XPR1: variants seen among roughly 807,000 people sequenced by gnomAD.
XPR1 encodes xenotropic and polytropic retrovirus receptor 1, also known as solute carrier family 53 member 1.
XPR1 carries 28 observed loss-of-function variants against 87.5 expected under a neutral mutation model. The observed-to-expected ratio is 0.32, with a 90% CI of 0.24 to 0.44. The LOEUF is 0.44. Among genes scored for constraint, XPR1 ranks in the 20% least tolerant of loss-of-function variants. The probability of loss-of-function intolerance (pLI) is 1.00; values close to 1 mark genes in which losing one functional copy is unlikely to be tolerated. For missense variants in XPR1, 559 were observed against 862.3 expected, an observed-to-expected ratio of 0.65 and a Z score of 4.41; for synonymous variants, 300 against 306.1, an observed-to-expected ratio of 0.98 and a Z score of 0.21.
chr1:180,882,586 C>T (rs1333320466), intron 14 of XPR1, among the ~76,000 whole-genome samples: 2 of 152,114 alleles, frequency 1.3e-5, no homozygotes, highest in Admixed American at 6.5e-5. Flanking sequence ...AAACTCCTAG[C>T]CTGAAGAAGT....
intron 2 of XPR1, among the ~76,000 whole-genome samples, chr1:180,697,866 A>G (rs757228462): frequency 3.9e-5 from 6 of 152,198 alleles, no homozygotes; most frequent in Non-Finnish European, 5.9e-5. Flanking sequence ...GTGGCCTAAC[A>G]TATGGTCTGT....
At chr1:180,686,092 T>G (rs1045000026) in intron 2 of XPR1, among the ~76,000 whole-genome samples, 28 of 152,234 alleles carry the variant, frequency 1.8e-4, no homozygotes, top group Admixed American at 6.5e-4. Flanking sequence ...GTGTCAATTT[T>G]AGATCTTTCC....
intron 2 of XPR1, among the ~76,000 whole-genome samples, chr1:180,724,678 T>A (rs6664966): frequency 6.6e-6 from 1 of 151,964 alleles, no homozygotes; most frequent in Non-Finnish European, 1.5e-5. Flanking sequence ...TTGCCACTCA[T>A]TGAAGCACAA....
intron 11 of XPR1, among the ~76,000 whole-genome samples, chr1:180,839,043 T>C (rs1292499724): frequency 6.6e-6 from 1 of 152,190 alleles, no homozygotes; most frequent in Non-Finnish European, 1.5e-5. Context: ...TTTTTCAGTT[T>C]TTATATAAGT....
At chr1:180,799,834 G>A (rs1481140153) in intron 3 of XPR1, among the ~76,000 whole-genome samples, 1 of 152,148 alleles carries the variant, frequency 6.6e-6, no homozygotes, top group Admixed American at 6.6e-5. Context: ...ATTTTCCTCA[G>A]TGAAAATACC....
chr1:180,806,848 G>A (rs1650009010), intron 6 of XPR1, among the ~76,000 whole-genome samples: 1 of 151,782 alleles, frequency 6.6e-6, no homozygotes, highest in African/African-American at 2.4e-5. Context: ...TGATCTGGTG[G>A]GTTCAGATAT....
intron 9 of XPR1, among the ~76,000 whole-genome samples, chr1:180,829,168 G>A (rs1486767942): frequency 6.6e-6 from 1 of 152,062 alleles, no homozygotes; most frequent in Non-Finnish European, 1.5e-5. Flanking sequence ...TGCACTCCAT[G>A]AAAAGTAGAA....
intron 7 of XPR1, among the ~76,000 whole-genome samples, chr1:180,813,091 T>A (rs1273675025): frequency 6.9e-6 from 1 of 143,924 alleles, no homozygotes; most frequent in African/African-American, 2.6e-5. Flanking sequence ...TCAAAATTCA[T>A]TCATGGCTAC....
At position 180,632,196 on chromosome 1, in the gene XPR1, G is replaced by T. The variant is rs1038861973; in HGVS notation, c.-6G>T. On this transcript the variant is annotated 5_prime_UTR_variant, in exon 1 of 15. Coordinates refer to ENST00000367590, the MANE Select transcript of XPR1 (RefSeq NM_004736.4). The stretch of plus-strand genomic sequence containing the variant: ...ACCCGAGTGGGAGTGAGGGGGAAAC[G>T]GCAGGATGAAGTTCGCCGAGCACCT... 1.9e-6 allele frequency: 3 copies of T among 1,606,206 alleles called. No individual in the cohort carries two copies. Among genetic ancestry groups the T allele is most frequent in the East Asian group, 2.3e-5 (1 of 44,358 alleles).
chr1:180,773,276 T>C (rs1413393231), intron 2 of XPR1, among the ~76,000 whole-genome samples: 2 of 152,040 alleles, frequency 1.3e-5, no homozygotes, highest in Non-Finnish European at 2.9e-5. Flanking sequence ...AGAACAAACA[T>C]CATGTATTAA....
intron 1 of XPR1, among the ~76,000 whole-genome samples, chr1:180,674,108 C>T (rs1656285530): frequency 6.6e-6 from 1 of 152,164 alleles, no homozygotes; most frequent in South Asian, 2.1e-4. Context: ...ATGAATCAAA[C>T]TTAATATTGT....
At chr1:180,752,055 A>C (rs1647556081) in intron 2 of XPR1, among the ~76,000 whole-genome samples, 1 of 152,206 alleles carries the variant, frequency 6.6e-6, no homozygotes, top group Admixed American at 6.5e-5. Flanking sequence ...TAGTGGAAAC[A>C]CAAGAGTGCT....
At chr1:180,850,248 G>A (rs926501163) in intron 11 of XPR1, among the ~76,000 whole-genome samples, 23 of 152,192 alleles carry the variant, frequency 1.5e-4, no homozygotes, top group African/African-American at 5.3e-4. Context: ...AATTGTTTCA[G>A]ATGGATTTTT....
In XPR1 at chr1:180,888,136, G is replaced by A. The variant is rs1036112209; in HGVS notation, c.*4070G>A. 6.6e-6 allele frequency: 1 copy of A among 152,162 alleles called. No individual in the cohort carries two copies. The highest frequency in any genetic ancestry group is 2.4e-5 in the African/African-American group (1 of 41,434). 9.4% of individuals were successfully genotyped at this position (152,162 alleles called of 1,614,324 possible). A position where few individuals can be genotyped will look rare whatever the true frequency, so the allele number is the denominator to read the frequency against. On this transcript the variant is annotated 3_prime_UTR_variant, in exon 15 of 15. Transcript: ENST00000367590. ...TAGTGGTTATTAAATTGCTGGGAAA[G>A]ACCTGCCTTTATTTTCCTATCATCT...
intron 11 of XPR1, among the ~76,000 whole-genome samples, chr1:180,844,161 A>G (rs1651605864): frequency 6.6e-6 from 1 of 152,150 alleles, no homozygotes; most frequent in Admixed American, 6.6e-5. Context: ...CAGTGAGCCG[A>G]GATTACACCA....
intron 2 of XPR1, among the ~76,000 whole-genome samples, chr1:180,746,448 A>G (rs1189199876): frequency 6.6e-6 from 1 of 152,016 alleles, no homozygotes; most frequent in Non-Finnish European, 1.5e-5. Context: ...AAAAAACATT[A>G]TTTTGTTCTT....
intron 3 of XPR1, among the ~76,000 whole-genome samples, chr1:180,796,700 T>C (rs890417306): frequency 3.3e-5 from 5 of 152,194 alleles, no homozygotes; most frequent in African/African-American, 1.2e-4. Context: ...TTTAAAAAAC[T>C]AGAAACAATT....
intron 14 of XPR1, 89 bp downstream of exon 14, chr1:180,880,386 C>A: frequency 6.9e-7 from 1 of 1,453,984 alleles, no homozygotes; most frequent in South Asian, 1.3e-5. Flanking sequence ...CAGGTTGAAC[C>A]AAATGAAATT....
chr1:180,702,231 A>G (rs1657360537), intron 2 of XPR1, among the ~76,000 whole-genome samples: 1 of 101,998 alleles, frequency 9.8e-6, no homozygotes, highest in Non-Finnish European at 1.9e-5. Flanking sequence ...TTCAGTTTCC[A>G]TGTAGTTGAG....
Sources: allele counts gnomAD v4.1 joint callset (sites outside exome capture counted in the v4.1 genomes callset), GRCh38; gene constraint gnomAD v4.1.1; transcripts MANE v1.5; gene names NCBI Gene and HGNC (gene_info 2026-07-23, HGNC 2026-07-21).